Variants in CERS4 observed in about 807,000 individuals in gnomAD.
CERS4 encodes the protein LAG1 homolog, ceramide synthase 4.
Under a neutral mutation model 51.8 loss-of-function variants are expected in CERS4, and 65 were observed. The ratio of observed to expected loss-of-function variants is 1.26; its 90% CI spans 1.03 to 1.54. The LOEUF (loss-of-function observed/expected upper bound fraction) is 1.54. CERS4 is among the 40% of genes most tolerant of loss of function. The pLI is 0.00. For missense variants in CERS4, 563 were observed against 500.4 expected (o/e 1.13, Z -1.19); for synonymous variants, 228 against 208.4 (o/e 1.09, Z -0.81).
At chr19:8,249,099 C>A (rs1030298205) in intron 2 of CERS4, among the ~76,000 whole-genome samples, 2 of 125,646 alleles carry the variant, frequency 1.6e-5, no homozygotes, top group African/African-American at 6.5e-5. Flanking sequence ...TTTTGATGGG[C>A]GAACAGATGG....
rs532782435 is a variant in CERS4, at chr19:8,237,457, C to T, written c.-1-13619C>T. On this transcript the variant is annotated intron_variant, in intron 2 of 11. Coordinates refer to ENST00000251363, the MANE Select transcript of CERS4 (RefSeq NM_024552.3). ...GTGATCCCAGCTACTTGGGAGGCTG[C>T]GGCAAGAGGATCACTTGAACCCAGG... Among the ~76,000 whole-genome samples the T allele has an allele frequency of 6.7e-4, 102 of 151,536 alleles. 1 individual carries two copies. The highest frequency in any genetic ancestry group is 3.4e-3 in the Middle Eastern group (1 of 294).
At chr19:8,213,688 C>G (rs1412146823) in intron 2 of CERS4, among the ~76,000 whole-genome samples, 1 of 151,114 alleles carries the variant, frequency 6.6e-6, no homozygotes, top group Non-Finnish European at 1.5e-5. Flanking sequence ...TAGAGAGGCC[C>G]GGCGCGGTGG....
chr19:8,223,003 A>C (rs1306484963), intron 2 of CERS4, among the ~76,000 whole-genome samples: 1 of 152,116 alleles, frequency 6.6e-6, no homozygotes, highest in Non-Finnish European at 1.5e-5. Flanking sequence ...GGTGCTGGGA[A>C]AATGGAGAGG....
chr19:8,228,500 C>T (rs1036552995), intron 2 of CERS4, among the ~76,000 whole-genome samples: 1 of 151,812 alleles, frequency 6.6e-6, no homozygotes, highest in East Asian at 1.9e-4. Context: ...CATGGCGAAA[C>T]CCCATCTCTA....
chr19:8,261,726 G>A lies in CERS4; in HGVS notation c.887G>A (p.Arg296Lys). The A allele has an allele frequency of 6.2e-7, 1 of 1,614,118 alleles. No homozygotes were observed. The highest frequency in any genetic ancestry group is 1.3e-5 in the African/African-American group (1 of 75,028). ...ACATACTACGAGTCCATCAGCAACAGGGGCCCCTTCTTCGGCTACTACTTC... is the reference window on the plus strand; with the variant it reads ...ACATACTACGAGTCCATCAGCAACAAGGGCCCCTTCTTCGGCTACTACTTC... ...YTTYYESISN[R>K]GPFFGYYFFN... is the part of the protein sequence containing the mutation. Residue 296 changes from arginine (R) to lysine (K), a missense_variant, in exon 11 of 12, where the codon AGG (arginine) becomes AAG (lysine). Physicochemically the swap from Arg to Lys is conservative, Grantham distance 26 (BLOSUM62 2). Coordinates refer to ENST00000251363, the MANE Select transcript of CERS4 (RefSeq NM_024552.3).
rs1010342388 is a variant in CERS4 at position 8,262,138 on chromosome 19, C to T, written c.*29C>T. 4.9e-6 allele frequency: 7 copies of T among 1,430,810 alleles called. No homozygotes were observed. The highest frequency in any genetic ancestry group is 1.4e-5 in the African/African-American group (1 of 69,454). The allele number at this position is 1,430,810 out of a possible 1,614,324, so 88.6% of individuals were successfully genotyped here. A position where few individuals can be genotyped will look rare whatever the true frequency, so the allele number is the denominator to read the frequency against. On this transcript the variant is annotated 3_prime_UTR_variant, in exon 12 of 12. Transcript: ENST00000251363. The stretch of plus-strand genomic sequence containing the variant: ...GGCGGGGCTGGCTGTAAGGGGTTGC[C>T]CCCCCGCCAGTGCCTTGGATATTTC...
intron 3 of CERS4, among the ~76,000 whole-genome samples, chr19:8,252,237 G>A (rs1231113555): frequency 6.6e-6 from 1 of 151,878 alleles, no homozygotes; most frequent in African/African-American, 2.4e-5. Context: ...GGGTGTGGTG[G>A]CACATGCCTG....
intron 9 of CERS4, 116 bp downstream of exon 9, chr19:8,257,193 T>A: frequency 9.0e-7 from 1 of 1,105,532 alleles, no homozygotes; most frequent in Non-Finnish European, 1.3e-6. Context: ...CCACCCCTCC[T>A]GTCTTTCTCG....
chr19:8,255,456 C>T lies in CERS4; in HGVS notation c.292-151C>T, dbSNP rs551588541. 14 of 707,294 alleles carry T rather than the reference C, an allele frequency of 2.0e-5. No homozygotes were observed. In the Admixed American group the frequency reaches 3.1e-4, roughly 15 times the overall value. 43.8% of individuals were successfully genotyped at this position (707,294 alleles called of 1,614,324 possible). A position where few individuals can be genotyped will look rare whatever the true frequency, so the allele number is the denominator to read the frequency against. Reference sequence around the variant, plus strand: ...TGTTCTGCAGGGCCCCACGCTGGGACCCCCAACACTGCCCCTCCATATAGA... The same window carrying T: ...TGTTCTGCAGGGCCCCACGCTGGGATCCCCAACACTGCCCCTCCATATAGA... On this transcript the variant is annotated intron_variant, in intron 4 of 11. Transcript: ENST00000251363.
intron 2 of CERS4, among the ~76,000 whole-genome samples, chr19:8,249,922 GC>G (rs1463552559): frequency 2.6e-5 from 4 of 152,028 alleles, no homozygotes; most frequent in Non-Finnish European, 5.9e-5. Context: ...ATCTTTGGGG[GC>G]TGCTTCAGAG....
intron 2 of CERS4, among the ~76,000 whole-genome samples, chr19:8,232,438 G>A (rs1968052160): frequency 6.6e-6 from 1 of 151,844 alleles, no homozygotes; most frequent in South Asian, 2.1e-4. Flanking sequence ...TTACAGGCAC[G>A]TGCCACCACA....
At chr19:8,221,354 C>T (rs1967532456) in intron 2 of CERS4, among the ~76,000 whole-genome samples, 1 of 152,044 alleles carries the variant, frequency 6.6e-6, no homozygotes, top group Non-Finnish European at 1.5e-5. Context: ...GGGCTGGCAG[C>T]CTTGCCAACA....
intron 3 of CERS4, among the ~76,000 whole-genome samples, chr19:8,253,642 T>C (rs964938243): frequency 6.6e-6 from 1 of 151,782 alleles, no homozygotes; most frequent in Admixed American, 6.6e-5. Context: ...TTTTTTGTAT[T>C]TTCAGTAGAT....
chr19:8,240,515 G>C (rs1280427353), intron 2 of CERS4: 1 of 152,092 alleles, frequency 6.6e-6, no homozygotes, highest in Non-Finnish European at 1.5e-5. Flanking sequence ...TGAGCCTCTG[G>C]CCGCAGGAAT....
At chr19:8,211,316 C>T (rs976640872) in intron 2 of CERS4, among the ~76,000 whole-genome samples, 2 of 152,086 alleles carry the variant, frequency 1.3e-5, no homozygotes, top group Non-Finnish European at 2.9e-5. Context: ...CTTGGGAGCT[C>T]GCTGCCCTGT....
At chr19:8,256,582 G>T (rs765412609) in intron 7 of CERS4, 36 bp from the exon 8 acceptor site, 1 of 1,580,044 alleles carries the variant, frequency 6.3e-7, no homozygotes, top group South Asian at 1.2e-5. Context: ...TGGAGCCTTC[G>T]CTCCCCACAG....
intron 9 of CERS4, 125 bp downstream of exon 9, chr19:8,257,202 C>G (rs996630074): frequency 1.9e-6 from 2 of 1,029,912 alleles, no homozygotes; most frequent in Non-Finnish European, 2.8e-6. Flanking sequence ...CTGTCTTTCT[C>G]GGGTGATGAG....
chr19:8,255,316 G>A (rs933677266), intron 4 of CERS4, among the ~76,000 whole-genome samples: 2 of 152,272 alleles, frequency 1.3e-5, no homozygotes, highest in African/African-American at 2.4e-5. Flanking sequence ...CTGGAGGGAC[G>A]CAGGGAAGCC....
At chr19:8,231,913 T>A (rs1968029062) in intron 2 of CERS4, among the ~76,000 whole-genome samples, 1 of 145,044 alleles carries the variant, frequency 6.9e-6, no homozygotes, top group Non-Finnish European at 1.5e-5. Context: ...GGTGCAATCA[T>A]AGCTTCTGGG....
Sources: gnomAD v4.1 joint callset for allele counts (sites outside exome capture counted in the v4.1 genomes callset) on GRCh38, gnomAD v4.1.1 for gene constraint, MANE v1.5 for transcripts, NCBI Gene and HGNC (gene_info 2026-07-23, HGNC 2026-07-21) for gene names.